The following BEST1 variants were observed in gnomAD, a reference collection of about 807,000 sequenced individuals.
BEST1 encodes the protein bestrophin 1.
Under a neutral mutation model 63.3 loss-of-function variants are expected in BEST1, and 58 were observed. The ratio of observed to expected loss-of-function variants is 0.92; its 90% CI spans 0.74 to 1.14. BEST1 has a LOEUF of 1.14. BEST1 is among the 50% of genes most tolerant of loss of function. The pLI is 0.00. For synonymous variants in BEST1, 283 were observed against 291.6 expected (o/e 0.97, Z 0.30); for missense variants, 671 against 740.1 (o/e 0.91, Z 1.08).
intron 2 of BEST1, among the ~76,000 whole-genome samples, chr11:61,953,886 A>AAAAC (rs112657532): frequency 0.24 from 35,542 of 150,638 alleles, 4,406 homozygotes; most frequent in African/African-American, 0.26. Flanking sequence ...ACCCTATCTC[A>AAAAC]AAACAAACAA....
In BEST1 at chr11:61,955,813, G is replaced by T; in HGVS notation, c.343G>T (p.Glu115Ter). ...RLMSLVSGFVEGKDEQGRLLR... is the reference protein window; with the variant it reads ...RLMSLVSGFV The stretch of plus-strand genomic sequence containing the variant: ...CATGAGCCTGGTGTCGGGCTTCGTC[G>T]AAGGCAAGGACGAGCAAGGCCGGCT... Residue 115 changes from glutamate (E) to a stop codon, truncating the protein, a stop_gained, in exon 4 of 11, where the codon GAA becomes TAA. Transcript: ENST00000378043. LOFTEE classifies it high-confidence loss of function. The T allele has an allele frequency of 2.6e-6, 4 of 1,550,530 alleles. No homozygotes were observed. The highest frequency in any genetic ancestry group is 3.5e-6 in the Non-Finnish European group (4 of 1,146,936).
Position 61,964,253 on chromosome 11 carries a change from G to T in BEST1, c.*131G>T. The T allele has an allele frequency of 6.5e-7, 1 of 1,533,164 alleles. No homozygotes were observed. The highest frequency in any genetic ancestry group is 8.8e-7 in the Non-Finnish European group (1 of 1,136,354). The allele number at this position is 1,533,164 out of a possible 1,614,324, so 95.0% of individuals were successfully genotyped here. On this transcript the variant is annotated 3_prime_UTR_variant, in exon 11 of 11. Coordinates refer to ENST00000378043, the MANE Select transcript of BEST1 (RefSeq NM_004183.4). Reference sequence around the variant, plus strand: ...TGTCCTACAACAGCCTGAATCAAATGGTTAGCTTAATAGATAAAAATCCCA... The same window carrying T: ...TGTCCTACAACAGCCTGAATCAAATTGTTAGCTTAATAGATAAAAATCCCA...
chr11:61,955,066 T>C (rs1280836613), intron 2 of BEST1, 41 bp from the exon 3 acceptor site: 1 of 1,611,570 alleles, frequency 6.2e-7, no homozygotes, highest in African/African-American at 1.3e-5. Flanking sequence ...AGCCATCTCC[T>C]CGCTGCGTCC....
chr11:61,959,779 G>A, intron 8 of BEST1, 113 bp from the exon 9 acceptor site: 2 of 1,485,992 alleles, frequency 1.3e-6, no homozygotes. Context: ...CATTTCACAG[G>A]CAGGGAAACT....
At chr11:61,952,101 C>T in intron 2 of BEST1, 143 bp downstream of exon 2, 1 of 1,075,646 alleles carries the variant, frequency 9.3e-7, no homozygotes. Flanking sequence ...GTCCTGGGCA[C>T]TGGAGCTGAG....
In BEST1 at chr11:61,954,599, G is replaced by A. The variant is rs145399524; in HGVS notation, c.153-508G>A. 2.6e-3 allele frequency among the ~76,000 whole-genome samples: 394 copies of A among 152,192 alleles called. 2 individuals are homozygous for A. The highest frequency in any genetic ancestry group is 8.9e-3 in the African/African-American group (369 of 41,498). On this transcript the variant is annotated intron_variant, in intron 2 of 10. Coordinates refer to ENST00000378043, the MANE Select transcript of BEST1 (RefSeq NM_004183.4). The stretch of plus-strand genomic sequence containing the variant: ...TGATCCTCCTATCTCAGCCTCCAGT[G>A]GCTACGACTGCAGGCATACGGCAAC...
chr11:61,955,310 G>T, intron 3 of BEST1, 109 bp downstream of exon 3: 3 of 1,555,230 alleles, frequency 1.9e-6, no homozygotes, highest in South Asian at 1.1e-5. Context: ...GGGGGCGGGG[G>T]AACGCCAGCG....
intron 10 of BEST1, chr11:61,963,659 G>A: frequency 3.8e-6 from 4 of 1,056,852 alleles, no homozygotes; most frequent in Non-Finnish European, 4.6e-6. Flanking sequence ...AAACTTAAAA[G>A]GGCAACAATT....
Position 61,962,414 on chromosome 11 carries a change from T to C in BEST1, c.1260T>C (p.Leu420=). 1 of 1,613,966 alleles carries C rather than the reference T, an allele frequency of 6.2e-7. No individual in the cohort carries two copies. The highest frequency in any genetic ancestry group is 1.6e-4 in the Middle Eastern group (1 of 6,062). Residue 420 remains leucine (L), a synonymous_variant, in exon 10 of 11, where the codon CTT becomes CTC. Coordinates refer to ENST00000378043, the MANE Select transcript of BEST1 (RefSeq NM_004183.4). ...TACTGTGGCCCAAGAGGGAATCCCT[T>C]CTCCACGAGGGCCTGCCCAAAAACC... ...TKLLWPKRES[L]LHEGLPKNHK...
At chr11:61,952,459 C>CTTT (rs34404535) in intron 2 of BEST1, among the ~76,000 whole-genome samples, 12 of 78,166 alleles carry the variant, frequency 1.5e-4, no homozygotes, top group East Asian at 3.9e-4. Flanking sequence ...CCACATGGTA[C>CTTT]TTTTTTTTTT....
intron 9 of BEST1, chr11:61,962,015 G>T (rs1483653624): frequency 3.5e-6 from 2 of 575,198 alleles, no homozygotes; most frequent in African/African-American, 3.7e-5. Context: ...GGTTGCGGGG[G>T]TTGGATGTTA....
intron 4 of BEST1, among the ~76,000 whole-genome samples, chr11:61,956,169 G>C (rs1941330437): frequency 6.6e-6 from 1 of 152,162 alleles, no homozygotes; most frequent in South Asian, 2.1e-4. Flanking sequence ...TCCGAGAGTA[G>C]GAGTCTGAGG....
chr11:61,957,147 C>A, intron 5 of BEST1, 149 bp downstream of exon 5: 1 of 1,276,474 alleles, frequency 7.8e-7, no homozygotes, highest in Non-Finnish European at 1.1e-6. Context: ...AACAGCAATC[C>A]ACAGCCCGAG....
At chr11:61,954,691 G>C (rs969728107) in intron 2 of BEST1, 12 of 632,754 alleles carry the variant, frequency 1.9e-5, no homozygotes, top group African/African-American at 2.0e-5. Context: ...TTGAACTCTT[G>C]GTCCTGCCTT....
At position 61,962,665 on chromosome 11, in the gene BEST1, CTG is replaced by C. The variant is rs752521456; in HGVS notation, c.1514_1515del (p.Val505GlufsTer9). 44 of 1,614,206 alleles carry C rather than the reference CTG, an allele frequency of 2.7e-5. No individual in the cohort carries two copies. Among genetic ancestry groups the C allele is most frequent in the South Asian group, 5.5e-5 (5 of 91,084 alleles). ...GACACCAAAGACAAAAGCTTAAAGA[CTG>C]TGAGTTCTGGGGCCAAGAAAAGTTT... On this transcript the variant is annotated frameshift_variant, in exon 10 of 11. Coordinates refer to ENST00000378043, the MANE Select transcript of BEST1 (RefSeq NM_004183.4). LOFTEE classifies it high-confidence loss of function.
At chr11:61,956,167 T>C (rs1332706315) in intron 4 of BEST1, among the ~76,000 whole-genome samples, 1 of 150,452 alleles carries the variant, frequency 6.6e-6, no homozygotes, top group African/African-American at 2.4e-5. Flanking sequence ...CCTCCGAGAG[T>C]AGGAGTCTGA....
chr11:61,963,852 C>T (rs1467542396), intron 10 of BEST1: 2 of 1,309,030 alleles, frequency 1.5e-6, no homozygotes, highest in African/African-American at 3.0e-5. Context: ...AAAAAAAATA[C>T]AAATCAGCTG....
chr11:61,960,675 C>T (rs57815521), intron 9 of BEST1: 3,548 of 154,986 alleles, frequency 0.023, 128 homozygotes, highest in Admixed American at 0.1. Flanking sequence ...TGATAAGCTA[C>T]GATGCTTGGA....
Position 61,958,429 on chromosome 11 carries a change from G to A in BEST1, c.867+131G>A, listed in dbSNP as rs2524295. The A allele has an allele frequency of 1.1e-3, 1,649 of 1,550,178 alleles. 35 individuals carry two copies. The East Asian group carries it at 0.036, about 34-fold the overall frequency. Reference sequence around the variant, plus strand: ...GTAGAAAGCAGCCAGGCGTGGTGGCGCACACCTGTAATCCCAGCTACTCGG... The same window carrying A: ...GTAGAAAGCAGCCAGGCGTGGTGGCACACACCTGTAATCCCAGCTACTCGG... On this transcript the variant is annotated intron_variant, in intron 7 of 10. Coordinates refer to ENST00000378043, the MANE Select transcript of BEST1 (RefSeq NM_004183.4).
Sources: gnomAD v4.1 joint callset for allele counts (sites outside exome capture counted in the v4.1 genomes callset) on GRCh38, gnomAD v4.1.1 for gene constraint, MANE v1.5 for transcripts, NCBI Gene and HGNC (gene_info 2026-07-23, HGNC 2026-07-21) for gene names.